DOCK3: variants seen among roughly 807,000 people sequenced by gnomAD.
DOCK3 encodes dedicator of cytokinesis 3.
A neutral mutation model predicts 265.6 loss-of-function variants in DOCK3; 60 were observed. That is an observed-to-expected ratio of 0.23 (90% CI 0.18 to 0.28). The LOEUF (loss-of-function observed/expected upper bound fraction) is 0.28. Ranked by LOEUF, DOCK3 falls within the 10% of genes least tolerant of loss-of-function variation. The probability of loss-of-function intolerance (pLI) is 1.00; values close to 1 mark genes in which losing one functional copy is unlikely to be tolerated. For missense variants in DOCK3, 1,981 were observed against 2,594.3 expected (o/e 0.76, Z 5.14); for synonymous variants, 881 against 938.0 (o/e 0.94, Z 1.11).
At chr3:51,179,919 CAA>C (rs1284060920) in intron 12 of DOCK3, among the ~76,000 whole-genome samples, 1 of 151,416 alleles carries the variant, frequency 6.6e-6, no homozygotes, top group East Asian at 2.0e-4. Flanking sequence ...TCAAAAAAAA[CAA>C]GGGCCGGCGG....
Position 51,362,573 on chromosome 3 carries a change from C to G in DOCK3, c.5192C>G (p.Ser1731Cys). 1 of 1,614,032 alleles carries G rather than the reference C, an allele frequency of 6.2e-7. No homozygotes were observed. Residue 1731 changes from serine to cysteine, a missense_variant, in exon 49 of 53, where the codon TCT becomes TGT. Around this residue, in one of 4 missense-constraint regions of DOCK3, gnomAD observed 1,357 missense variants for 1,866.8 expected, o/e 0.73. Transcript: ENST00000266037. ...TACCAAGGCTCAGTCACCAACGTCT[C>G]TGTTCTGTCCTCGTCCCAGGCAAGC... ...PRYQGSVTNV[S>C]VLSSSQASPS... is the part of the protein sequence containing the mutation.
At chr3:50,844,267 G>A (rs1234303323) in intron 3 of DOCK3, among the ~76,000 whole-genome samples, 3 of 152,184 alleles carry the variant, frequency 2.0e-5, no homozygotes, top group Admixed American at 6.5e-5. Flanking sequence ...CCAGGCTGGA[G>A]TCCAGTGGCA....
intron 5 of DOCK3, among the ~76,000 whole-genome samples, chr3:50,996,212 T>C (rs532897324): frequency 3.3e-5 from 5 of 150,822 alleles, no homozygotes; most frequent in Non-Finnish European, 5.9e-5. Flanking sequence ...GCATGCAGGA[T>C]TTTTTCTTAA....
At chr3:51,101,276 G>A (rs1427593215) in intron 9 of DOCK3, among the ~76,000 whole-genome samples, 2 of 151,880 alleles carry the variant, frequency 1.3e-5, no homozygotes, top group African/African-American at 2.4e-5. Context: ...GCCCGCCACC[G>A]CGCCCGGCTA....
At chr3:50,982,621 A>C (rs913726271) in intron 5 of DOCK3, among the ~76,000 whole-genome samples, 2 of 152,182 alleles carry the variant, frequency 1.3e-5, no homozygotes, top group African/African-American at 2.4e-5. Flanking sequence ...GAGAGGGTAC[A>C]GGGAGGAGGT....
chr3:50,922,899 T>C (rs2050568665), intron 4 of DOCK3, among the ~76,000 whole-genome samples: 1 of 152,132 alleles, frequency 6.6e-6, no homozygotes. Context: ...CAATTTGTTG[T>C]GTTTTTATGC....
At chr3:51,121,130 C>T (rs566739179) in intron 9 of DOCK3, among the ~76,000 whole-genome samples, 7 of 152,112 alleles carry the variant, frequency 4.6e-5, no homozygotes, top group Non-Finnish European at 1.0e-4. Context: ...TGTAGGCATC[C>T]GTGGGAATCT....
intron 1 of DOCK3, among the ~76,000 whole-genome samples, chr3:50,726,904 AAAAG>A (rs1244572563): frequency 6.6e-6 from 1 of 152,216 alleles, no homozygotes; most frequent in African/African-American, 2.4e-5. Context: ...CACAGGGGGA[AAAAG>A]AAAGAATAGA....
At chr3:51,217,982 G>C (rs549421767) in intron 14 of DOCK3, among the ~76,000 whole-genome samples, 1 of 151,752 alleles carries the variant, frequency 6.6e-6, no homozygotes, top group African/African-American at 2.4e-5. Flanking sequence ...GCCGGGGGTC[G>C]TGGTGGGCGC....
chr3:50,874,042 G>A (rs1392628585), intron 3 of DOCK3, among the ~76,000 whole-genome samples: 3 of 115,176 alleles, frequency 2.6e-5, no homozygotes, highest in Non-Finnish European at 5.6e-5. Context: ...TCATGAAGGT[G>A]TTTTTTTTTT....
Position 51,312,824 on chromosome 3 carries a change from T to C in DOCK3, c.3195-20T>C. The C allele has an allele frequency of 6.2e-7, 1 of 1,605,616 alleles. No homozygotes were observed. Among genetic ancestry groups the C allele is most frequent in the Non-Finnish European group, 8.5e-7 (1 of 1,175,666 alleles). On this transcript the variant is annotated intron_variant, in intron 30 of 52. Coordinates refer to ENST00000266037, the MANE Select transcript of DOCK3 (RefSeq NM_004947.5). The stretch of plus-strand genomic sequence containing the variant: ...GAACCTTCTCCCACTAACGGTTGGC[T>C]CCTGTGTTACTATTCTTAGGTATGG...
chr3:51,253,450 TCTTTATA>T, intron 22 of DOCK3, among the ~76,000 whole-genome samples: 1 of 152,206 alleles, frequency 6.6e-6, no homozygotes, highest in East Asian at 1.9e-4. Flanking sequence ...TACCAGCTCC[TCTTTATA>T]CCTCTGGTAG....
intron 49 of DOCK3, among the ~76,000 whole-genome samples, chr3:51,366,912 T>C (rs1005826135): frequency 2.0e-5 from 3 of 152,206 alleles, no homozygotes; most frequent in Non-Finnish European, 4.4e-5. Context: ...CTTCCAATTA[T>C]GTGGTCAATT....
At chr3:51,288,391 CAAAAA>C (rs35390396) in intron 27 of DOCK3, among the ~76,000 whole-genome samples, 3 of 87,224 alleles carry the variant, frequency 3.4e-5, no homozygotes, top group Non-Finnish European at 7.1e-5. Context: ...GACTCCGTCT[CAAAAA>C]AAAAAAAAAA....
intron 2 of DOCK3, chr3:50,786,916 G>C (rs370201454): frequency 2.6e-5 from 19 of 737,314 alleles, no homozygotes; most frequent in East Asian, 1.8e-4. Context: ...GTGACATACT[G>C]CATTTGAATG....
At chr3:50,949,187 A>C (rs2076525903) in intron 5 of DOCK3, among the ~76,000 whole-genome samples, 1 of 152,196 alleles carries the variant, frequency 6.6e-6, no homozygotes, top group Non-Finnish European at 1.5e-5. Context: ...ATAAAAAAAA[A>C]CTTGTTCTTT....
At chr3:50,887,108 A>G (rs919402856) in intron 3 of DOCK3, among the ~76,000 whole-genome samples, 1 of 152,126 alleles carries the variant, frequency 6.6e-6, no homozygotes, top group Admixed American at 6.6e-5. Context: ...AAATTGATAG[A>G]CTGCTAGCAA....
intron 23 of DOCK3, 80 bp from the exon 24 acceptor site, chr3:51,270,735 A>T: frequency 7.0e-7 from 1 of 1,432,916 alleles, no homozygotes; most frequent in Non-Finnish European, 9.4e-7. Context: ...GCCTCTCACC[A>T]CCTTGTATCA....
At chr3:50,996,953 T>G (rs1418254892) in intron 5 of DOCK3, among the ~76,000 whole-genome samples, 1 of 152,226 alleles carries the variant, frequency 6.6e-6, no homozygotes, top group Non-Finnish European at 1.5e-5. Context: ...ATGCTGCTTC[T>G]GCTATCTCGA....
Sources: gnomAD v4.1 joint callset for allele counts (sites outside exome capture counted in the v4.1 genomes callset) on GRCh38, gnomAD v4.1.1 for gene constraint, gnomAD v4.1.1 regional missense constraint, MANE v1.5 for transcripts, NCBI Gene and HGNC (gene_info 2026-07-23, HGNC 2026-07-21) for gene names.